The following TNRC6A variants were observed in gnomAD, a reference collection of about 807,000 sequenced individuals.
TNRC6A encodes trinucleotide repeat containing adaptor 6A.
TNRC6A carries 44 observed loss-of-function variants against 221.2 expected under a neutral mutation model. That is an observed-to-expected ratio of 0.20 (90% CI 0.16 to 0.26). The LOEUF is 0.26. TNRC6A is among the 10% of genes least tolerant of loss of function. The probability of loss-of-function intolerance (pLI) is 1.00; values close to 1 mark genes in which losing one functional copy is unlikely to be tolerated. For missense variants in TNRC6A, 2,199 were observed against 2,404.4 expected, an observed-to-expected ratio of 0.91 and a Z score of 1.79; for synonymous variants, 847 against 838.5, an observed-to-expected ratio of 1.01 and a Z score of -0.18.
At chr16:24,643,569 A>G (rs949079021) in intron 2 of TNRC6A, among the ~76,000 whole-genome samples, 4 of 152,038 alleles carry the variant, frequency 2.6e-5, no homozygotes, top group African/African-American at 9.7e-5. Flanking sequence ...TTCCAGCCGT[A>G]CTGCTTATTC....
rs1417529908 is a variant in TNRC6A, at chr16:24,687,881, AAGC to A, written n.402+46876_402+46878del. 1.8e-3 allele frequency among the ~76,000 whole-genome samples: 259 copies of A among 147,992 alleles called. 21 individuals carry two copies. The highest frequency in any genetic ancestry group is 3.5e-3 in the Middle Eastern group (1 of 286). ...GAAGAAGAAGAAGAAGAAGAAGAAGAAGCAGCTTATTCCAACTTTCTTGGACAT... is the reference window on the plus strand; with the variant it reads ...GAAGAAGAAGAAGAAGAAGAAGAAGAAGCTTATTCCAACTTTCTTGGACAT... On this transcript the variant is annotated intron_variant and non_coding_transcript_variant, in intron 2 of 2. Coordinates refer to the TNRC6A transcript ENST00000566108.
chr16:24,816,443 C>G (rs11640847), intron 19 of TNRC6A: 1,997 of 166,302 alleles, frequency 0.012, 25 homozygotes, highest in South Asian at 0.058. Flanking sequence ...GAGTTCAAAG[C>G]TGCAGTGAGC....
In TNRC6A at chr16:24,723,985, C is replaced by A. The variant is rs117923704; in HGVS notation, n.403-26741C>A. Among the ~76,000 whole-genome samples, 648 of 152,190 alleles carry A rather than the reference C, an allele frequency of 4.3e-3. 5 individuals carry two copies. The highest frequency in any genetic ancestry group is 7.0e-3 in the Non-Finnish European group (473 of 68,016). On this transcript the variant is annotated intron_variant and non_coding_transcript_variant, in intron 2 of 2. Coordinates refer to the TNRC6A transcript ENST00000566108. ...CTGCATCTTCTAGTGTAGACCTCTT[C>A]CAAACATTTACATAATGAAAGACAT...
At chr16:24,686,703 G>A (rs565730447) in intron 2 of TNRC6A, among the ~76,000 whole-genome samples, 1 of 152,154 alleles carries the variant, frequency 6.6e-6, no homozygotes, top group South Asian at 2.1e-4. Flanking sequence ...AATGGAGACA[G>A]GCATGTAAAT....
intron 2 of TNRC6A, among the ~76,000 whole-genome samples, chr16:24,699,213 G>T (rs553644166): frequency 6.6e-6 from 1 of 152,258 alleles, no homozygotes; most frequent in South Asian, 2.1e-4. Context: ...ATGAACTGGG[G>T]ATACACTGAT....
At chr16:24,739,478 CTTTTTTTTT>C (rs71383710) in intron 2 of TNRC6A, among the ~76,000 whole-genome samples, 2 of 118,290 alleles carry the variant, frequency 1.7e-5, no homozygotes, top group Non-Finnish European at 3.3e-5. Flanking sequence ...TTTCCTTTCA[CTTTTTTTTT>C]TTTTTTTTTG....
At chr16:24,805,546 A>C in intron 14 of TNRC6A, 59 bp from the exon 15 acceptor site, 2 of 1,598,144 alleles carry the variant, frequency 1.3e-6, no homozygotes, top group Non-Finnish European at 8.5e-7. Context: ...AACACACAGT[A>C]CGTGTAGTTA....
At chr16:24,653,323 C>A (rs1367712522) in intron 2 of TNRC6A, among the ~76,000 whole-genome samples, 1 of 152,084 alleles carries the variant, frequency 6.6e-6, no homozygotes, top group Non-Finnish European at 1.5e-5. Flanking sequence ...GAAAACAAAG[C>A]CCTTCGGAAT....
Position 24,797,577 on chromosome 16 carries a change from A to T in TNRC6A, c.3642+7A>T. 1 of 1,600,174 alleles carries T rather than the reference A, an allele frequency of 6.2e-7. No individual in the cohort carries two copies. The highest frequency in any genetic ancestry group is 8.5e-7 in the Non-Finnish European group (1 of 1,170,602). On this transcript the variant is annotated splice_region_variant and intron_variant, in intron 10 of 24. Coordinates refer to ENST00000395799, the MANE Select transcript of TNRC6A (RefSeq NM_014494.4). ...TTCAAACATCAGTTTTTCGGTAAGT[A>T]TGTTTTCTTAGCAGCTCCTTCCTCT...
intron 1 of TNRC6A, among the ~76,000 whole-genome samples, chr16:24,625,826 T>G (rs1216933128): frequency 6.6e-6 from 1 of 150,856 alleles, no homozygotes; most frequent in African/African-American, 2.4e-5. Context: ...GCAGGAGAAT[T>G]GCTTGAACCT....
chr16:24,654,061 A>G (rs1319261004), intron 2 of TNRC6A, among the ~76,000 whole-genome samples: 52 of 151,926 alleles, frequency 3.4e-4, no homozygotes, highest in Admixed American at 3.4e-3. Flanking sequence ...TAGCCACCAC[A>G]CCCAGCTAAT....
At chr16:24,712,966 T>C (rs1321619090) in intron 2 of TNRC6A, among the ~76,000 whole-genome samples, 1 of 149,464 alleles carries the variant, frequency 6.7e-6, no homozygotes, top group African/African-American at 2.5e-5. Context: ...TGTATAGAGG[T>C]GAGGGTCTCA....
intron 2 of TNRC6A, among the ~76,000 whole-genome samples, chr16:24,716,770 C>T (rs1274822414): frequency 2.6e-5 from 4 of 151,652 alleles, no homozygotes; most frequent in African/African-American, 9.7e-5. Flanking sequence ...CCATCCTGGC[C>T]AACATGGTGA....
intron 2 of TNRC6A, among the ~76,000 whole-genome samples, chr16:24,706,062 G>A (rs1406256437): frequency 6.6e-6 from 1 of 152,066 alleles, no homozygotes; most frequent in Non-Finnish European, 1.5e-5. Context: ...AAACAAAATG[G>A]AAGAAAACCT....
intron 2 of TNRC6A, among the ~76,000 whole-genome samples, chr16:24,693,444 C>T (rs933418152): frequency 3.3e-5 from 5 of 151,978 alleles, no homozygotes; most frequent in Non-Finnish European, 7.4e-5. Context: ...AAAATTAGCC[C>T]AGCATGGTGG....
intron 2 of TNRC6A, 54 bp from the exon 3 acceptor site, chr16:24,750,669 CATT>C: frequency 6.9e-7 from 1 of 1,442,342 alleles, no homozygotes; most frequent in Non-Finnish European, 9.1e-7. Flanking sequence ...CTGTATGCAA[CATT>C]ATTTTTATTT....
intron 2 of TNRC6A, among the ~76,000 whole-genome samples, chr16:24,695,364 G>A (rs1313682389): frequency 6.6e-6 from 1 of 152,068 alleles, no homozygotes; most frequent in Non-Finnish European, 1.5e-5. Context: ...TAAAAGCCCA[G>A]AAGCTCTTAT....
At chr16:24,817,577 G>A (rs2058680549) in intron 20 of TNRC6A, among the ~76,000 whole-genome samples, 2 of 152,012 alleles carry the variant, frequency 1.3e-5, no homozygotes, top group African/African-American at 4.8e-5. Context: ...ACCTGCCACG[G>A]GGTTACTTTT....
intron 4 of TNRC6A, among the ~76,000 whole-genome samples, chr16:24,770,406 C>T (rs947272819): frequency 6.6e-6 from 1 of 152,110 alleles, no homozygotes; most frequent in African/African-American, 2.4e-5. Context: ...AAGACTTGAG[C>T]CAGGCCTGCA....
Sources: allele counts gnomAD v4.1 joint callset (sites outside exome capture counted in the v4.1 genomes callset), GRCh38; gene constraint gnomAD v4.1.1; transcripts MANE v1.5; gene names NCBI Gene and HGNC (gene_info 2026-07-23, HGNC 2026-07-21).